GSE1: variants seen among roughly 807,000 people sequenced by gnomAD.
The protein encoded by GSE1 is Gse1 coiled-coil protein.
A neutral mutation model predicts 112.6 loss-of-function variants in GSE1; 32 were observed. That is an observed-to-expected ratio of 0.28 (90% CI 0.21 to 0.38). GSE1 has a LOEUF of 0.38. Ranked by LOEUF, GSE1 falls within the 10% of genes least tolerant of loss-of-function variation. The pLI is 1.00. For synonymous variants in GSE1, 1,115 were observed against 735.6 expected (o/e 1.52, Z -8.35); for missense variants, 2,348 against 1,699.2 (o/e 1.38, Z -6.71).
Position 85,674,381 on chromosome 16 carries a change from C to T in GSE1, c.*1842C>T, listed in dbSNP as rs1355293547. The T allele has an allele frequency of 2.0e-5, 3 of 152,278 alleles. No homozygotes were observed. Among genetic ancestry groups the T allele is most frequent in the African/African-American group, 7.2e-5 (3 of 41,468 alleles). The allele number at this position is 152,278 out of a possible 1,614,324, so 9.4% of individuals were successfully genotyped here. A position where few individuals can be genotyped will look rare whatever the true frequency, so the allele number is the denominator to read the frequency against. ...CAGCAGTCAACAAGCACCTTCCTCT[C>T]CACAGAAGCAGCTGGAAGAGAACTC... is the stretch of plus-strand genomic sequence containing the variant. On this transcript the variant is annotated 3_prime_UTR_variant, in exon 16 of 16. Transcript: ENST00000253458.
At chr16:85,399,635 C>T (rs1191424026) in intron 2 of GSE1, among the ~76,000 whole-genome samples, 1 of 152,196 alleles carries the variant, frequency 6.6e-6, no homozygotes, top group Non-Finnish European at 1.5e-5. Flanking sequence ...TACCAAGCTT[C>T]GTGTCCTCAG....
chr16:85,359,285 G>C (rs2047015545), intron 2 of GSE1: 1 of 426,334 alleles, frequency 2.3e-6, no homozygotes, highest in Non-Finnish European at 4.7e-6. Context: ...TCACGGGTCA[G>C]TGGAGGGCTC....
At chr16:85,607,067 G>C (rs897540025), upstream of GSE1, among the ~76,000 whole-genome samples, 7 of 151,374 alleles carry the variant, frequency 4.6e-5, no homozygotes, top group Admixed American at 2.0e-4. Context: ...GCCTGGGGTG[G>C]GGGGGGCGGG....
chr16:85,622,368 T>C (rs962338580), intron 1 of GSE1, among the ~76,000 whole-genome samples: 2 of 151,346 alleles, frequency 1.3e-5, no homozygotes, highest in African/African-American at 4.9e-5. Flanking sequence ...CGTGGATGGT[T>C]CTGGGCCCTT....
intron 2 of GSE1, among the ~76,000 whole-genome samples, chr16:85,456,566 G>C (rs2049830175): frequency 6.9e-6 from 1 of 145,510 alleles, no homozygotes; most frequent in African/African-American, 2.6e-5. Context: ...GGAGGGGAGG[G>C]TCATTTTCCT....
intron 1 of GSE1, among the ~76,000 whole-genome samples, chr16:85,599,720 TTTCTCC>T (rs1891435013): frequency 1.3e-5 from 2 of 152,218 alleles, no homozygotes; most frequent in Non-Finnish European, 2.9e-5. Flanking sequence ...TTCCTTTCTC[TTTCTCC>T]TTCTCTCCCT....
chr16:85,248,437 C>G (rs961502265), intron 1 of GSE1, among the ~76,000 whole-genome samples: 2 of 152,018 alleles, frequency 1.3e-5, no homozygotes, highest in African/African-American at 4.8e-5. Context: ...CCGCATCTCT[C>G]TCTCCCTTTT....
At chr16:85,232,632 G>C (rs1432576065) in intron 1 of GSE1, among the ~76,000 whole-genome samples, 1 of 152,226 alleles carries the variant, frequency 6.6e-6, no homozygotes, top group African/African-American at 2.4e-5. Flanking sequence ...GGAGGAGGTG[G>C]CTTCCCCTCC....
intron 1 of GSE1, among the ~76,000 whole-genome samples, chr16:85,281,133 C>T (rs2044845377): frequency 6.6e-6 from 1 of 152,202 alleles, no homozygotes; most frequent in Non-Finnish European, 1.5e-5. Flanking sequence ...CGGCCTCTCT[C>T]AGCATCACCT....
chr16:85,483,319 G>C (rs73265111), intron 2 of GSE1, among the ~76,000 whole-genome samples: 10,383 of 152,320 alleles, frequency 0.068, 1,165 homozygotes, highest in African/African-American at 0.23. Flanking sequence ...GGGAGAGCGA[G>C]AACAGAAACG....
At chr16:85,492,959 G>A (rs1466430511) in intron 2 of GSE1, among the ~76,000 whole-genome samples, 3 of 152,200 alleles carry the variant, frequency 2.0e-5, no homozygotes, top group Admixed American at 6.5e-5. Context: ...GGCGATACAC[G>A]TCCTGAGAGT....
At chr16:85,183,831 G>C (rs140342268) in intron 1 of GSE1, among the ~76,000 whole-genome samples, 7 of 152,190 alleles carry the variant, frequency 4.6e-5, no homozygotes, top group Non-Finnish European at 7.3e-5. Context: ...GCTGACATGG[G>C]ATCCCTGTGT....
At chr16:85,352,184 A>G (rs925904296) in intron 1 of GSE1, among the ~76,000 whole-genome samples, 6 of 152,182 alleles carry the variant, frequency 3.9e-5, no homozygotes, top group Non-Finnish European at 8.8e-5. Flanking sequence ...TGAGTCTACC[A>G]GGAGTTGGCT....
At position 85,674,222 on chromosome 16, in the gene GSE1, C is replaced by G. The variant is rs946600071; in HGVS notation, c.*1683C>G. The G allele has an allele frequency of 6.6e-6, 1 of 152,356 alleles. No individual in the cohort carries two copies. The highest frequency in any genetic ancestry group is 1.5e-5 in the Non-Finnish European group (1 of 68,122). 9.4% of individuals were successfully genotyped at this position (152,356 alleles called of 1,614,324 possible). On this transcript the variant is annotated 3_prime_UTR_variant, in exon 16 of 16. Transcript: ENST00000253458. ...CCAGCAGCCGAGCCCTTGGCCCTAG[C>G]CCTTGCTGCGCAGAACAGCTTGCTG...
At chr16:85,492,260 G>A (rs1472884821) in intron 2 of GSE1, among the ~76,000 whole-genome samples, 2 of 152,238 alleles carry the variant, frequency 1.3e-5, no homozygotes, top group African/African-American at 2.4e-5. Flanking sequence ...GCTGGGAGCC[G>A]CCCCCGTCGG....
intron 2 of GSE1, among the ~76,000 whole-genome samples, chr16:85,643,636 C>G (rs2050623965): frequency 6.6e-6 from 1 of 152,314 alleles, no homozygotes; most frequent in Admixed American, 6.5e-5. Flanking sequence ...GGTCTGGAGC[C>G]AGGCAGCTCC....
intron 2 of GSE1, among the ~76,000 whole-genome samples, chr16:85,438,735 C>G (rs1242293019): frequency 6.6e-6 from 1 of 152,156 alleles, no homozygotes; most frequent in Non-Finnish European, 1.5e-5. Flanking sequence ...TCTTGGGGAA[C>G]TTTGTATAAA....
intron 15 of GSE1, among the ~76,000 whole-genome samples, chr16:85,671,492 C>T (rs528678458): frequency 6.7e-6 from 1 of 149,694 alleles, no homozygotes; most frequent in African/African-American, 2.5e-5. Context: ...TGGCTTACAC[C>T]TGTAATCCCA....
chr16:85,473,212 GA>G (rs1459530761), intron 2 of GSE1, among the ~76,000 whole-genome samples: 4 of 152,254 alleles, frequency 2.6e-5, no homozygotes, highest in Non-Finnish European at 5.9e-5. Context: ...AGACAGCATT[GA>G]GTAAAAGGTA....
Sources: gnomAD v4.1 joint callset for allele counts (sites outside exome capture counted in the v4.1 genomes callset) on GRCh38, gnomAD v4.1.1 for gene constraint, MANE v1.5 for transcripts, NCBI Gene and HGNC (gene_info 2026-07-23, HGNC 2026-07-21) for gene names.